Variants in TTC39C observed in about 807,000 individuals in gnomAD.
TTC39C encodes the protein tetratricopeptide repeat domain 39C.
Under a neutral mutation model 76.3 loss-of-function variants are expected in TTC39C, and 33 were observed. The ratio of observed to expected loss-of-function variants is 0.43; its 90% confidence interval spans 0.33 to 0.58. TTC39C has a LOEUF of 0.58. Ranked by LOEUF, TTC39C falls within the 20% of genes least tolerant of loss-of-function variation. TTC39C has a pLI of 0.04. For missense variants in TTC39C, 595 were observed against 701.4 expected (o/e 0.85, Z 1.71); for synonymous variants, 254 against 260.6 (o/e 0.97, Z 0.24).
At chr18:24,059,257 T>C (rs888431124) in intron 1 of TTC39C, among the ~76,000 whole-genome samples, 1 of 152,244 alleles carries the variant, frequency 6.6e-6, no homozygotes. Context: ...TGCAGTTTTG[T>C]TACATAGAAA....
chr18:24,045,906 TATATATATATATATATA>T (rs1568417273), intron 1 of TTC39C, among the ~76,000 whole-genome samples: 11 of 40,254 alleles, frequency 2.7e-4, no homozygotes, highest in South Asian at 2.1e-3. Context: ...TATATATATA[TATATATATATATATATA>T]TATATTTTTT....
chr18:24,043,034 G>T (rs931435766), intron 1 of TTC39C, among the ~76,000 whole-genome samples: 5 of 152,066 alleles, frequency 3.3e-5, no homozygotes, highest in South Asian at 4.1e-4. Flanking sequence ...AATAAGATCT[G>T]GTCCCTACTC....
At chr18:24,031,586 C>A (rs1305345066) in intron 1 of TTC39C, among the ~76,000 whole-genome samples, 1 of 152,130 alleles carries the variant, frequency 6.6e-6, no homozygotes, top group African/African-American at 2.4e-5. Flanking sequence ...TGAATCCATC[C>A]ACTTCTCTTC....
chr18:24,043,199 A>T (rs1440738252), intron 1 of TTC39C, among the ~76,000 whole-genome samples: 3 of 152,172 alleles, frequency 2.0e-5, no homozygotes, highest in Admixed American at 2.0e-4. Flanking sequence ...AATGAAATAA[A>T]AAAACTACCC....
chr18:24,051,937 C>A (rs1340256003), intron 1 of TTC39C, among the ~76,000 whole-genome samples: 1 of 152,154 alleles, frequency 6.6e-6, no homozygotes, highest in Non-Finnish European at 1.5e-5. Context: ...GTGGTCAGGA[C>A]AGCAGCATGT....
rs114411091 is a variant in TTC39C at position 24,044,373 on chromosome 18, G to A, written c.168-19767G>A. ...CCATGCTAGCGAAGGCCAGGAGCTT[G>A]CAGGGGCTCAGAGCCTGGCAGTTGC... On this transcript the variant is annotated intron_variant, in intron 1 of 13. Coordinates refer to ENST00000317571, the MANE Select transcript of TTC39C (RefSeq NM_001135993.2). Among the ~76,000 whole-genome samples, 654 of 152,300 alleles carry A rather than the reference G, an allele frequency of 4.3e-3. 5 individuals carry two copies. The highest frequency in any genetic ancestry group is 0.015 in the African/African-American group (622 of 41,552).
chr18:24,001,831 T>TTTTTTTGG (rs1555763424), intron 1 of TTC39C, among the ~76,000 whole-genome samples: 2 of 44,516 alleles, frequency 4.5e-5, no homozygotes, highest in Non-Finnish European at 8.5e-5. Flanking sequence ...CTGTTTTTTT[T>TTTTTTTGG]TTTTTTTTTT....
intron 1 of TTC39C, chr18:24,000,280 G>C (rs781436909): frequency 2.0e-5 from 3 of 152,228 alleles, no homozygotes; most frequent in Non-Finnish European, 4.4e-5. Flanking sequence ...ATTAGCATGG[G>C]CCCTAATCCA....
At position 24,132,616 on chromosome 18, in the gene TTC39C, C is replaced by G; in HGVS notation, c.*42C>G. 3 of 1,550,010 alleles carry G rather than the reference C, an allele frequency of 1.9e-6. No individual in the cohort carries two copies. In the African/African-American group the frequency reaches 4.1e-5, roughly 21 times the overall value. ...GCTCCGTCCCTCCCCACCCAGGGTC[C>G]GCACTTTAAAATAAAAGCAGAGGAC... On this transcript the variant is annotated 3_prime_UTR_variant, in exon 14 of 14. Coordinates refer to ENST00000317571, the MANE Select transcript of TTC39C (RefSeq NM_001135993.2).
intron 1 of TTC39C, among the ~76,000 whole-genome samples, chr18:24,029,470 A>C (rs2083641886): frequency 6.6e-6 from 1 of 152,252 alleles, no homozygotes; most frequent in African/African-American, 2.4e-5. Flanking sequence ...TAGAGGAATC[A>C]TATTATAACT....
At chr18:24,045,906 TATATATATATATATA>T (rs1568417268) in intron 1 of TTC39C, among the ~76,000 whole-genome samples, 5 of 40,264 alleles carry the variant, frequency 1.2e-4, no homozygotes, top group African/African-American at 4.3e-4. Context: ...TATATATATA[TATATATATATATATA>T]TATATATTTT....
intron 1 of TTC39C, among the ~76,000 whole-genome samples, chr18:24,057,123 C>G (rs192575064): frequency 1.3e-5 from 2 of 151,898 alleles, no homozygotes; most frequent in African/African-American, 4.8e-5. Flanking sequence ...ATCTTCTGTT[C>G]CCTTTTAATC....
chr18:24,012,047 G>A (rs1035830437), upstream of TTC39C, among the ~76,000 whole-genome samples: 3 of 152,022 alleles, frequency 2.0e-5, no homozygotes, highest in Non-Finnish European at 4.4e-5. Flanking sequence ...CATTTTTATC[G>A]AGTGGAGAAA....
chr18:24,047,993 A>G (rs2083906627), intron 1 of TTC39C, among the ~76,000 whole-genome samples: 1 of 152,218 alleles, frequency 6.6e-6, no homozygotes, highest in South Asian at 2.1e-4. Context: ...ACACTGTCTT[A>G]TTCATTTAGC....
At chr18:24,075,800 T>C (rs2084300837) in intron 4 of TTC39C, among the ~76,000 whole-genome samples, 3 of 152,028 alleles carry the variant, frequency 2.0e-5, no homozygotes, top group South Asian at 4.1e-4. Context: ...ACAGACAGGC[T>C]TTAATAGATG....
chr18:23,994,311 C>T (rs201077275), intron 1 of TTC39C: 1 of 82,562 alleles, frequency 1.2e-5, no homozygotes, highest in South Asian at 4.1e-4. Context: ...ATTGTAGTAA[C>T]CAAAAAAAAA....
intron 1 of TTC39C, among the ~76,000 whole-genome samples, chr18:24,042,362 G>A (rs1019684536): frequency 3.3e-5 from 5 of 152,110 alleles, no homozygotes; most frequent in Non-Finnish European, 5.9e-5. Flanking sequence ...AGATCATCAG[G>A]CATTAGATTC....
chr18:24,056,314 C>A (rs1159643637), intron 1 of TTC39C, among the ~76,000 whole-genome samples: 1 of 152,066 alleles, frequency 6.6e-6, no homozygotes, highest in South Asian at 2.1e-4. Context: ...TTTATAATCC[C>A]CAGGAGTCGA....
chr18:24,017,549 A>G lies in TTC39C; in HGVS notation c.167+2511A>G, dbSNP rs370575222. On this transcript the variant is annotated intron_variant, in intron 1 of 13. Coordinates refer to ENST00000317571, the MANE Select transcript of TTC39C (RefSeq NM_001135993.2). Reference sequence around the variant, plus strand: ...TTCTTGACTGCATAGTTCGAGTACAAGACACAATGTCCTGTGTGCAGGTAG... The same window carrying G: ...TTCTTGACTGCATAGTTCGAGTACAGGACACAATGTCCTGTGTGCAGGTAG... Among the ~76,000 whole-genome samples, 12 of 152,342 alleles carry G rather than the reference A, an allele frequency of 7.9e-5. No homozygotes were observed. The East Asian group carries it at 1.5e-3, about 20-fold the overall frequency.
Sources: allele counts gnomAD v4.1 joint callset (sites outside exome capture counted in the v4.1 genomes callset), GRCh38; gene constraint gnomAD v4.1.1; transcripts MANE v1.5; gene names NCBI Gene and HGNC (gene_info 2026-07-23, HGNC 2026-07-21).